Variants in CSMD1 observed in about 807,000 individuals in gnomAD.
CSMD1 encodes the protein CUB and Sushi multiple domains 1.
CSMD1 carries 213 observed loss-of-function variants against 417.5 expected under a neutral mutation model. The observed-to-expected ratio is 0.51, with a 90% CI of 0.46 to 0.57. The LOEUF is 0.57. Among genes scored for constraint, CSMD1 ranks in the 20% least tolerant of loss-of-function variants. CSMD1 has a pLI of 0.00. For synonymous variants in CSMD1, 2,862 were observed against 1,736.8 expected (o/e 1.65, Z -16.11); for missense variants, 6,923 against 4,529.7 (o/e 1.53, Z -15.17).
intron 10 of CSMD1, among the ~76,000 whole-genome samples, chr8:3,517,304 G>A (rs190230433): frequency 1.3e-5 from 2 of 152,136 alleles, no homozygotes; most frequent in Admixed American, 1.3e-4. Context: ...GAAAGAAGAG[G>A]GCTGGCAGAG....
At chr8:3,945,288 A>G (rs757808711) in intron 5 of CSMD1, among the ~76,000 whole-genome samples, 6 of 151,920 alleles carry the variant, frequency 3.9e-5, no homozygotes, top group Non-Finnish European at 5.9e-5. Context: ...GTAAATTGAA[A>G]TAATCACTAG....
chr8:4,418,905 C>T (rs1374539131), intron 3 of CSMD1, among the ~76,000 whole-genome samples: 5 of 152,130 alleles, frequency 3.3e-5, no homozygotes, highest in Non-Finnish European at 7.4e-5. Context: ...CCATTCTCAG[C>T]ATTATTCCAC....
intron 5 of CSMD1, among the ~76,000 whole-genome samples, chr8:3,846,881 G>A (rs1375525367): frequency 6.6e-6 from 1 of 152,084 alleles, no homozygotes; most frequent in African/African-American, 2.4e-5. Context: ...CATCATGTTG[G>A]CCAAGCTGGT....
intron 2 of CSMD1, among the ~76,000 whole-genome samples, chr8:4,558,413 C>G (rs1439187770): frequency 6.6e-6 from 1 of 152,122 alleles, no homozygotes; most frequent in Non-Finnish European, 1.5e-5. Flanking sequence ...TTTTTTAACT[C>G]TAACAAAGTA....
intron 1 of CSMD1, among the ~76,000 whole-genome samples, chr8:4,795,934 T>C (rs1797958518): frequency 6.6e-6 from 1 of 152,216 alleles, no homozygotes; most frequent in African/African-American, 2.4e-5. Flanking sequence ...CTCAAGGCTT[T>C]TTAAGCCATC....
At chr8:3,609,034 G>A (rs745695861) in intron 8 of CSMD1, among the ~76,000 whole-genome samples, 3 of 152,164 alleles carry the variant, frequency 2.0e-5, no homozygotes, top group Non-Finnish European at 2.9e-5. Context: ...CCTGCATAGT[G>A]AGTGTAAAAA....
intron 3 of CSMD1, among the ~76,000 whole-genome samples, chr8:4,196,464 A>G (rs1004253046): frequency 7.9e-5 from 12 of 152,266 alleles, no homozygotes; most frequent in East Asian, 3.9e-4. Flanking sequence ...AATCTGTCCA[A>G]TGCCGATTCA....
At chr8:4,256,590 C>G (rs1329522594) in intron 3 of CSMD1, among the ~76,000 whole-genome samples, 1 of 152,152 alleles carries the variant, frequency 6.6e-6, no homozygotes, top group South Asian at 2.1e-4. Context: ...GGGGTTTACC[C>G]TCACTTTAGA....
chr8:4,867,460 TA>T (rs1802482882), intron 1 of CSMD1, among the ~76,000 whole-genome samples: 1 of 152,104 alleles, frequency 6.6e-6, no homozygotes, highest in African/African-American at 2.4e-5. Flanking sequence ...TATAATTATT[TA>T]TAGGCAGCAA....
In CSMD1 at chr8:3,418,317, C is replaced by A. The variant is rs73657883; in HGVS notation, c.1562-8712G>T. ...GCTCATCTCGCTTGTCTCATGGAGA[C>A]CATGAGAGTATAGATTTTCAAACTT... is the stretch of plus-strand genomic sequence containing the variant. On this transcript the variant is annotated intron_variant, in intron 12 of 69. Transcript: ENST00000635120. Among the ~76,000 whole-genome samples, 591 of 152,128 alleles carry A rather than the reference C, an allele frequency of 3.9e-3. 3 individuals carry two copies. The highest frequency in any genetic ancestry group is 0.013 in the African/African-American group (547 of 41,506).
At position 4,910,362 on chromosome 8, in the gene CSMD1, T is replaced by C. The variant is rs544309658; in HGVS notation, c.85+83970A>G. Among the ~76,000 whole-genome samples the C allele has an allele frequency of 7.3e-4, 111 of 152,292 alleles. 1 individual carries two copies. Among genetic ancestry groups the C allele is most frequent in the African/African-American group, 2.6e-3 (106 of 41,562 alleles). On this transcript the variant is annotated intron_variant, in intron 1 of 69. Coordinates refer to ENST00000635120, the MANE Select transcript of CSMD1 (RefSeq NM_033225.6). Reference sequence around the variant, plus strand: ...GTATCTTAGTCAATTTTGGCTGCTATAAAAAATACTATAAACTGGATTGCT... The same window carrying C: ...GTATCTTAGTCAATTTTGGCTGCTACAAAAAATACTATAAACTGGATTGCT...
intron 3 of CSMD1, among the ~76,000 whole-genome samples, chr8:4,165,785 G>C (rs954021159): frequency 6.6e-6 from 1 of 152,198 alleles, no homozygotes; most frequent in East Asian, 1.9e-4. Context: ...TAGCTCACGT[G>C]TTGTCACTCC....
chr8:3,339,966 A>G (rs1401981786), intron 23 of CSMD1, among the ~76,000 whole-genome samples: 1 of 152,234 alleles, frequency 6.6e-6, no homozygotes, highest in Admixed American at 6.5e-5. Context: ...CTGACTTACT[A>G]TTCAGAAAAC....
intron 2 of CSMD1, among the ~76,000 whole-genome samples, chr8:4,634,186 G>A (rs567305804): frequency 6.6e-6 from 1 of 152,160 alleles, no homozygotes; most frequent in Admixed American, 6.5e-5. Flanking sequence ...TATTGTTGGT[G>A]TGTTTGTACT....
At chr8:3,860,137 C>T (rs1258084772) in intron 5 of CSMD1, among the ~76,000 whole-genome samples, 1 of 152,062 alleles carries the variant, frequency 6.6e-6, no homozygotes, top group Non-Finnish European at 1.5e-5. Context: ...AGCTTAGAAT[C>T]TAATACATAT....
chr8:3,325,580 T>C (rs1253558535), intron 23 of CSMD1, among the ~76,000 whole-genome samples: 1 of 152,152 alleles, frequency 6.6e-6, no homozygotes, highest in African/African-American at 2.4e-5. Context: ...TCCCAGCACT[T>C]TGGGAGGCCG....
At chr8:3,772,767 A>G (rs1485292473) in intron 5 of CSMD1, among the ~76,000 whole-genome samples, 1 of 151,622 alleles carries the variant, frequency 6.6e-6, no homozygotes, top group Non-Finnish European at 1.5e-5. Flanking sequence ...ATATTGAACG[A>G]ATGTCTGGTC....
chr8:3,039,423 CCCTT>C (rs1253720277), intron 50 of CSMD1, among the ~76,000 whole-genome samples: 77 of 143,752 alleles, frequency 5.4e-4, no homozygotes, highest in African/African-American at 1.9e-3. Context: ...CTCCCTCCCT[CCCTT>C]CCTTCCTCCC....
At chr8:4,520,795 T>G (rs762089888) in intron 2 of CSMD1, among the ~76,000 whole-genome samples, 10 of 152,230 alleles carry the variant, frequency 6.6e-5, no homozygotes, top group Non-Finnish European at 1.5e-4. Flanking sequence ...AATGAAAATT[T>G]GAAATTATAT....
Sources: allele counts gnomAD v4.1 joint callset (sites outside exome capture counted in the v4.1 genomes callset), GRCh38; gene constraint gnomAD v4.1.1; transcripts MANE v1.5; gene names NCBI Gene and HGNC (gene_info 2026-07-23, HGNC 2026-07-21).